The following ARHGAP35 variants were observed in gnomAD, a reference collection of about 807,000 sequenced individuals.
ARHGAP35 encodes the protein rho GTPase-activating protein 35.
ARHGAP35 carries 15 observed loss-of-function variants against 111.1 expected under a neutral mutation model. The ratio of observed to expected loss-of-function variants is 0.13; its 90% CI spans 0.09 to 0.21. The LOEUF (loss-of-function observed/expected upper bound fraction) is 0.21. ARHGAP35 is among the 10% of genes least tolerant of loss of function. The pLI, the probability that ARHGAP35 is intolerant of heterozygous loss-of-function variation, is 1.00. For missense variants in ARHGAP35, 1,262 were observed against 1,873.0 expected (o/e 0.67, Z 6.02); for synonymous variants, 643 against 710.3 (o/e 0.91, Z 1.51).
In ARHGAP35 at chr19:46,874,035, C is replaced by T. The variant is rs954619186; in HGVS notation, c.-189+12826C>T. 4.5e-4 allele frequency among the ~76,000 whole-genome samples: 68 copies of T among 152,222 alleles called. 1 individual carries two copies. Among genetic ancestry groups the T allele is most frequent in the African/African-American group, 1.6e-3 (67 of 41,432 alleles). On this transcript the variant is annotated intron_variant, in intron 1 of 6. Coordinates refer to ENST00000672722, the MANE Select transcript of ARHGAP35 (RefSeq NM_004491.5). ...ATGCTGGGATTACAGGCGTGAGCCA[C>T]CTCGCCTGGCTAAGCTATTAATTAA...
chr19:46,876,533 C>T (rs1025378019), intron 1 of ARHGAP35, among the ~76,000 whole-genome samples: 8 of 151,694 alleles, frequency 5.3e-5, no homozygotes, highest in East Asian at 1.9e-4. Flanking sequence ...CCACCACGCC[C>T]GGCTAATTTT....
chr19:46,874,651 C>A (rs2055906846), intron 1 of ARHGAP35, among the ~76,000 whole-genome samples: 7 of 150,832 alleles, frequency 4.6e-5, no homozygotes. Context: ...ATTACAGGCG[C>A]CTGCTACCAT....
chr19:46,910,355 A>G (rs1426238005), intron 1 of ARHGAP35, among the ~76,000 whole-genome samples: 1 of 151,608 alleles, frequency 6.6e-6, no homozygotes, highest in Non-Finnish European at 1.5e-5. Flanking sequence ...CAGAAGTGTG[A>G]TCTTGGCTCA....
chr19:46,990,842 G>C (rs918120905), intron 5 of ARHGAP35, among the ~76,000 whole-genome samples: 1 of 152,218 alleles, frequency 6.6e-6, no homozygotes, highest in Non-Finnish European at 1.5e-5. Flanking sequence ...TGACAGGGCT[G>C]CGGGGCCTCC....
At chr19:46,889,936 C>T (rs1184152399) in intron 1 of ARHGAP35, among the ~76,000 whole-genome samples, 3 of 152,116 alleles carry the variant, frequency 2.0e-5, no homozygotes, top group African/African-American at 7.2e-5. Flanking sequence ...GTTATAGGAA[C>T]TTGAGGTTCT....
At chr19:46,990,452 G>A (rs2122342749) in intron 5 of ARHGAP35, among the ~76,000 whole-genome samples, 1 of 152,334 alleles carries the variant, frequency 6.6e-6, no homozygotes, top group South Asian at 2.1e-4. Context: ...TACCTTTTAA[G>A]TCATCAGCAG....
At chr19:46,940,982 C>CTTCCCGGACTCAGGAACAGCAAG (rs547345559) in intron 3 of ARHGAP35, among the ~76,000 whole-genome samples, 3,699 of 152,246 alleles carry the variant, frequency 0.024, 70 homozygotes, top group Middle Eastern at 0.058. Context: ...ACTCATAATC[C>CTTCCCGGACTCAGGAACAGCAAG]TCCTTCCCGG....
intron 1 of ARHGAP35, among the ~76,000 whole-genome samples, chr19:46,896,846 G>A (rs2056059562): frequency 6.6e-6 from 1 of 152,086 alleles, no homozygotes; most frequent in Admixed American, 6.6e-5. Context: ...AAGTAATAAT[G>A]GACCAGCTAA....
chr19:46,903,012 G>A (rs1016137703), intron 1 of ARHGAP35, among the ~76,000 whole-genome samples: 10 of 152,144 alleles, frequency 6.6e-5, no homozygotes, highest in Admixed American at 2.6e-4. Flanking sequence ...CTTGAGGAGC[G>A]GTAATAGCCA....
rs1234488048 is a variant in ARHGAP35, at chr19:46,908,269, T to C, written c.-188-10219T>C. ...TAGGTTTTACTTACCCTTTTGAAAATCAATGTAAAATTGGTCTTAATGCCA... is the reference window on the plus strand; with the variant it reads ...TAGGTTTTACTTACCCTTTTGAAAACCAATGTAAAATTGGTCTTAATGCCA... On this transcript the variant is annotated intron_variant, in intron 1 of 6. Transcript: ENST00000672722. This position sits in a 1 kb window ranked among gnomAD's most constrained non-coding sequence, Gnocchi z 4.2. Among the ~76,000 whole-genome samples the C allele has an allele frequency of 1.3e-5, 2 of 152,210 alleles. No individual in the cohort carries two copies. The highest frequency in any genetic ancestry group is 2.9e-5 in the Non-Finnish European group (2 of 68,026).
In ARHGAP35 at chr19:46,867,705, G is replaced by T. The variant is rs114007596; in HGVS notation, c.-189+6496G>T. On this transcript the variant is annotated intron_variant, in intron 1 of 6. Coordinates refer to ENST00000672722, the MANE Select transcript of ARHGAP35 (RefSeq NM_004491.5). ...CACCTAGCAAAAATACCTTGTACTT[G>T]GTAGGCCCCCATTGTGTCCATGTTG... 5.8e-3 allele frequency among the ~76,000 whole-genome samples: 886 copies of T among 151,990 alleles called. 7 individuals carry two copies. The highest frequency in any genetic ancestry group is 0.017 in the African/African-American group (709 of 41,462).
At position 46,888,294 on chromosome 19, in the gene ARHGAP35, ATATATATATATATATATATATAT is replaced by A. The variant is rs1294670331; in HGVS notation, c.-189+27086_-189+27108del. Among the ~76,000 whole-genome samples, 3 of 64,714 alleles carry A rather than the reference ATATATATATATATATATATATAT, an allele frequency of 4.6e-5. No individual in the cohort carries two copies. In the East Asian group the frequency reaches 1.2e-3, roughly 26 times the overall value. 42.5% of individuals were successfully genotyped at this position (64,714 alleles called of 152,430 possible). ...TATATATATATATATATATATATATATATATATATATATATATATATATAAAATATTGATTTTATACACACACA... is the reference window on the plus strand; with the variant it reads ...TATATATATATATATATATATATATAAAAATATTGATTTTATACACACACA... On this transcript the variant is annotated intron_variant, in intron 1 of 6. Coordinates refer to ENST00000672722, the MANE Select transcript of ARHGAP35 (RefSeq NM_004491.5).
chr19:46,865,267 C>T (rs1275017994), intron 1 of ARHGAP35, among the ~76,000 whole-genome samples: 4 of 152,182 alleles, frequency 2.6e-5, no homozygotes, highest in Non-Finnish European at 4.4e-5. Context: ...TTTTCAAGGG[C>T]TCTTGCCCTG....
chr19:46,935,049 T>C (rs1238213364), intron 2 of ARHGAP35, among the ~76,000 whole-genome samples: 2 of 152,254 alleles, frequency 1.3e-5, no homozygotes, highest in Non-Finnish European at 2.9e-5. Flanking sequence ...TTATTTCCTG[T>C]AAATGTATAT....
In ARHGAP35 at chr19:47,001,708, A is replaced by T. The variant is rs972555218; in HGVS notation, c.*1020A>T. ...CAGAACACAGTCCATTACGATAGAA[A>T]CACTAATTGAGCATGTGCGTGGGGT... On this transcript the variant is annotated 3_prime_UTR_variant, in exon 7 of 7. Transcript: ENST00000672722. The surrounding 1 kb of genome is among the most constrained non-coding windows in gnomAD (Gnocchi z 5.4). 6 of 327,510 alleles carry T rather than the reference A, an allele frequency of 1.8e-5. No individual in the cohort carries two copies. Among genetic ancestry groups the T allele is most frequent in the Non-Finnish European group, 3.6e-5 (6 of 167,010 alleles). 20.3% of individuals were successfully genotyped at this position (327,510 alleles called of 1,614,324 possible).
intron 1 of ARHGAP35, among the ~76,000 whole-genome samples, chr19:46,915,399 TAGTC>T (rs2056157474): frequency 1.3e-5 from 2 of 152,184 alleles, no homozygotes; most frequent in African/African-American, 4.8e-5. Context: ...ATACTACGTC[TAGTC>T]ACATTTTGTT....
intron 1 of ARHGAP35, among the ~76,000 whole-genome samples, chr19:46,867,868 A>T (rs550973741): frequency 2.6e-5 from 4 of 151,082 alleles, no homozygotes; most frequent in South Asian, 2.1e-4. Flanking sequence ...GCCTTTTTTT[A>T]AATTTTTTCT....
intron 3 of ARHGAP35, among the ~76,000 whole-genome samples, chr19:46,942,978 C>G (rs945756453): frequency 1.6e-4 from 25 of 151,914 alleles, no homozygotes; most frequent in African/African-American, 6.0e-4. Flanking sequence ...CTGCACTTGG[C>G]TTTGCCTCTT....
intron 3 of ARHGAP35, among the ~76,000 whole-genome samples, chr19:46,971,831 G>A (rs769120897): frequency 1.3e-5 from 2 of 151,820 alleles, no homozygotes; most frequent in African/African-American, 4.8e-5. Flanking sequence ...CTACAGAGAG[G>A]TGGCCTCACA....
Sources: allele counts gnomAD v4.1 joint callset (sites outside exome capture counted in the v4.1 genomes callset), GRCh38; gene constraint gnomAD v4.1.1; non-coding constraint Gnocchi (gnomAD v3.1); transcripts MANE v1.5; gene names NCBI Gene and HGNC (gene_info 2026-07-23, HGNC 2026-07-21).